Variants in GIGYF2 observed in about 807,000 individuals in gnomAD.
GIGYF2 encodes the protein GRB10-interacting GYF protein 2.
Under a neutral mutation model 208.1 loss-of-function variants are expected in GIGYF2, and 25 were observed. That is an observed-to-expected ratio of 0.12 (90% CI 0.09 to 0.17). GIGYF2 has a LOEUF of 0.17. Among genes scored for constraint, GIGYF2 ranks in the 10% least tolerant of loss-of-function variants. The pLI is 1.00. For missense variants in GIGYF2, 1,302 were observed against 1,579.4 expected (o/e 0.82, Z 2.98); for synonymous variants, 534 against 543.8 (o/e 0.98, Z 0.25).
intron 5 of GIGYF2, among the ~76,000 whole-genome samples, chr2:232,749,502 T>G (rs1698261927): frequency 6.6e-6 from 1 of 152,048 alleles, no homozygotes; most frequent in African/African-American, 2.4e-5. Flanking sequence ...CCAATGTGTG[T>G]GTGTGTGTGT....
chr2:232,762,827 GAGACATGGTGAAACCATGTC>G (rs1698801837), intron 8 of GIGYF2, among the ~76,000 whole-genome samples: 1 of 151,968 alleles, frequency 6.6e-6, no homozygotes. Context: ...GACAGCCTGG[GAGACATGGTGAAACCATGTC>G]TCTACAAAAA....
intron 8 of GIGYF2, 139 bp downstream of exon 8, chr2:232,761,575 C>T (rs926317902): frequency 1.6e-6 from 1 of 627,080 alleles, no homozygotes; most frequent in Non-Finnish European, 3.0e-6. Flanking sequence ...TGCATGAAAC[C>T]AGAGATGATG....
Position 232,806,164 on chromosome 2 carries a change from G to C in GIGYF2, c.1640-327G>C, listed in dbSNP as rs547207833. Among the ~76,000 whole-genome samples, 23 of 152,248 alleles carry C rather than the reference G, an allele frequency of 1.5e-4. No individual in the cohort carries two copies. The highest frequency in any genetic ancestry group is 4.8e-4 in the African/African-American group (20 of 41,548). On this transcript the variant is annotated intron_variant, in intron 14 of 28. Transcript: ENST00000373563. This position sits in a 1 kb window ranked among gnomAD's most constrained non-coding sequence, Gnocchi z 4.0. ...ATGTTTATATTCTTTACGCCTAAAT[G>C]ATACAAAGTCTAGTAAATAGTTAAC...
At chr2:232,731,650 T>C (rs1488736851) in intron 2 of GIGYF2, among the ~76,000 whole-genome samples, 1 of 152,260 alleles carries the variant, frequency 6.6e-6, no homozygotes, top group Non-Finnish European at 1.5e-5. Flanking sequence ...AAGACTGTTG[T>C]GTAAGCAGTG....
At position 232,770,846 on chromosome 2, in the gene GIGYF2, A is replaced by AGTTTT. The variant is rs573097228; in HGVS notation, c.532+9426_532+9430dup. The AGTTTT allele has an allele frequency of 6.6e-4, 782 of 1,191,606 alleles. 14 individuals carry two copies. In the South Asian group the frequency reaches 9.6e-3, roughly 15 times the overall value. The allele number at this position is 1,191,606 out of a possible 1,614,324, so 73.8% of individuals were successfully genotyped here. A position where few individuals can be genotyped will look rare whatever the true frequency, so the allele number is the denominator to read the frequency against. ...GACTATACCCTTTCCAAACACCTGT[A>AGTTTT]GTTTTGTTTTGTTTTGTTTTTGTTT... On this transcript the variant is annotated intron_variant, in intron 8 of 28. Coordinates refer to ENST00000373563, the MANE Select transcript of GIGYF2 (RefSeq NM_001103146.3).
In GIGYF2 at chr2:232,848,433, A is replaced by G. The variant is rs567825319; in HGVS notation, c.3684+862A>G. On this transcript the variant is annotated intron_variant, in intron 27 of 28. Coordinates refer to ENST00000373563, the MANE Select transcript of GIGYF2 (RefSeq NM_001103146.3). ...GGTGGATCATGAGGTCAGGAGTTCA[A>G]AACCAGCTTGGCCAACATGGTGAAA... Among the ~76,000 whole-genome samples the G allele has an allele frequency of 1.1e-4, 17 of 152,304 alleles. No individual in the cohort carries two copies. In the South Asian group the frequency reaches 2.9e-3, roughly 26 times the overall value.
At chr2:232,826,162 CAT>C (rs538535555) in intron 21 of GIGYF2, among the ~76,000 whole-genome samples, 11 of 152,140 alleles carry the variant, frequency 7.2e-5, no homozygotes, top group South Asian at 2.1e-4. Flanking sequence ...GCCGAATAAA[CAT>C]GTGTGCATGT....
At chr2:232,768,819 T>C (rs1339302698) in intron 8 of GIGYF2, 2 of 1,600,292 alleles carry the variant, frequency 1.2e-6, no homozygotes, top group Non-Finnish European at 1.7e-6. Flanking sequence ...AGCACCTAAA[T>C]AAGAAATTAT....
chr2:232,812,667 A>G (rs573551220), intron 18 of GIGYF2, among the ~76,000 whole-genome samples, 176 bp downstream of exon 18: 1 of 152,292 alleles, frequency 6.6e-6, no homozygotes, highest in African/African-American at 2.4e-5. Flanking sequence ...CTGAAAATAT[A>G]CTTTTAAGGA....
In GIGYF2 at chr2:232,858,806, A is replaced by T. The variant is rs1690669526; in HGVS notation, c.*1946A>T. On this transcript the variant is annotated 3_prime_UTR_variant, in exon 29 of 29. Transcript: ENST00000373563. ...TTTGAGAATGTAGAGGTCAAGGCAG[A>T]TGTCGGTAAGTTTGACCAAATATCT... 3.3e-6 allele frequency: 1 copy of T among 300,582 alleles called. No homozygotes were observed. The highest frequency in any genetic ancestry group is 4.4e-5 in the Admixed American group (1 of 22,612). The allele number at this position is 300,582 out of a possible 1,614,324, so 18.6% of individuals were successfully genotyped here.
At chr2:232,846,817 CA>C (rs1376678234) in intron 26 of GIGYF2, among the ~76,000 whole-genome samples, 1 of 152,214 alleles carries the variant, frequency 6.6e-6, no homozygotes, top group East Asian at 1.9e-4. Context: ...TTAAATAACT[CA>C]TCAAGGTCAC....
intron 14 of GIGYF2, among the ~76,000 whole-genome samples, chr2:232,797,046 G>T (rs1700242898): frequency 6.7e-6 from 1 of 150,150 alleles, no homozygotes; most frequent in Non-Finnish European, 1.5e-5. Flanking sequence ...CTCTGAAAAG[G>T]TGATGGCAGC....
intron 8 of GIGYF2, chr2:232,771,300 G>C: frequency 6.2e-7 from 1 of 1,610,694 alleles, no homozygotes; most frequent in Non-Finnish European, 8.5e-7. Flanking sequence ...CATCCTTGGT[G>C]ACCATCCTCC....
At chr2:232,723,832 A>G (rs1196293175) in intron 2 of GIGYF2, among the ~76,000 whole-genome samples, 1 of 146,920 alleles carries the variant, frequency 6.8e-6, no homozygotes, top group Non-Finnish European at 1.5e-5. Flanking sequence ...TCCCGGGTTC[A>G]AGTGATTCTC....
At chr2:232,813,763 G>A (rs12619228) in intron 18 of GIGYF2, among the ~76,000 whole-genome samples, 5,041 of 151,862 alleles carry the variant, frequency 0.033, 242 homozygotes, top group East Asian at 0.23. Flanking sequence ...CTTGATAGCC[G>A]TTTATAGTTA....
chr2:232,847,517 ACAG>A lies in GIGYF2; in HGVS notation c.3647_3649del (p.Gln1216del), dbSNP rs376678075. On this transcript the variant is annotated inframe_deletion, in exon 27 of 29. Coordinates refer to ENST00000373563, the MANE Select transcript of GIGYF2 (RefSeq NM_001103146.3). ...AGCAGCGTCAGCAGCAGCAGCTGCC[ACAG>A]CAGCAGCAGCAGCAGCCGCCACAGC... is the stretch of plus-strand genomic sequence containing the variant. The A allele has an allele frequency of 1.2e-4, 48 of 413,296 alleles. No homozygotes were observed. Among genetic ancestry groups the A allele is most frequent in the African/African-American group, 1.0e-3 (14 of 13,618 alleles). 25.6% of individuals were successfully genotyped at this position (413,296 alleles called of 1,614,324 possible). A position where few individuals can be genotyped will look rare whatever the true frequency, so the allele number is the denominator to read the frequency against.
intron 5 of GIGYF2, among the ~76,000 whole-genome samples, chr2:232,753,367 G>A (rs1043658493): frequency 1.3e-5 from 2 of 151,910 alleles, no homozygotes; most frequent in Admixed American, 6.6e-5. Context: ...CAAGTGATCC[G>A]CCTGCCTTGG....
At chr2:232,717,586 T>C (rs1447439637) in intron 2 of GIGYF2, among the ~76,000 whole-genome samples, 1 of 152,176 alleles carries the variant, frequency 6.6e-6, no homozygotes, top group East Asian at 1.9e-4. Context: ...AAGGAATACC[T>C]GAGACTGGGT....
chr2:232,703,884 T>C (rs1319656640), intron 2 of GIGYF2, among the ~76,000 whole-genome samples: 2 of 152,176 alleles, frequency 1.3e-5, no homozygotes, highest in African/African-American at 2.4e-5. Flanking sequence ...TCTTGTCTCT[T>C]TTTGTCCTGC....
Sources: allele counts gnomAD v4.1 joint callset (sites outside exome capture counted in the v4.1 genomes callset), GRCh38; gene constraint gnomAD v4.1.1; non-coding constraint Gnocchi (gnomAD v3.1); transcripts MANE v1.5; gene names NCBI Gene and HGNC (gene_info 2026-07-23, HGNC 2026-07-21).